Variants in DDX60L observed in about 807,000 individuals in gnomAD.
DDX60L encodes the protein probable ATP-dependent RNA helicase DDX60-like.
In DDX60L, 191 loss-of-function variants were observed where a neutral mutation model predicts 211.6. The observed-to-expected ratio is 0.90, with a 90% CI of 0.80 to 1.02. The LOEUF (loss-of-function observed/expected upper bound fraction) is 1.02. Ranked by LOEUF, DDX60L falls within the 50% of genes least tolerant of loss-of-function variation. The pLI is 0.00. For synonymous variants in DDX60L, 706 were observed against 694.1 expected, an observed-to-expected ratio of 1.02 and a Z score of -0.27; for missense variants, 2,007 against 1,984.1, an observed-to-expected ratio of 1.01 and a Z score of -0.22.
intron 29 of DDX60L, among the ~76,000 whole-genome samples, chr4:168,387,343 G>A (rs531786897): frequency 1.1e-4 from 17 of 152,294 alleles, no homozygotes; most frequent in African/African-American, 2.6e-4. Flanking sequence ...CTTCTGGTTC[G>A]GAGCTTGGAA....
chr4:168,374,877 TA>T (rs911755043), intron 34 of DDX60L, among the ~76,000 whole-genome samples: 3 of 152,110 alleles, frequency 2.0e-5, no homozygotes, highest in Non-Finnish European at 4.4e-5. Context: ...TTTTACAGAT[TA>T]AAAAAATGAG....
intron 1 of DDX60L, among the ~76,000 whole-genome samples, chr4:168,478,833 T>C (rs957908584): frequency 6.6e-6 from 1 of 152,180 alleles, no homozygotes; most frequent in African/African-American, 2.4e-5. Flanking sequence ...TGGTAACGCC[T>C]CAGGAGAACT....
intron 4 of DDX60L, chr4:168,470,657 T>C (rs1429523057): frequency 6.4e-6 from 1 of 155,340 alleles, no homozygotes; most frequent in African/African-American, 2.4e-5. Context: ...CTGACCAATA[T>C]GATGAAACCC....
intron 23 of DDX60L, 145 bp downstream of exon 23, chr4:168,406,457 A>G: frequency 3.2e-6 from 2 of 625,992 alleles, no homozygotes; most frequent in East Asian, 6.0e-5. Flanking sequence ...ATGGCTGAAA[A>G]TAAGAAAAAA....
At chr4:168,367,270 G>A (rs893428055) in intron 36 of DDX60L, among the ~76,000 whole-genome samples, 9 of 152,162 alleles carry the variant, frequency 5.9e-5, no homozygotes, top group Non-Finnish European at 8.8e-5. Flanking sequence ...GAACCCAGTG[G>A]GAGGTTATTG....
At chr4:168,452,336 C>T (rs952650514) in intron 8 of DDX60L, among the ~76,000 whole-genome samples, 2 of 152,182 alleles carry the variant, frequency 1.3e-5, no homozygotes, top group African/African-American at 4.8e-5. Context: ...AGGCCAGTAG[C>T]ATTTATGATA....
At chr4:168,449,815 A>G (rs79232914) in intron 8 of DDX60L, among the ~76,000 whole-genome samples, 11 of 38,798 alleles carry the variant, frequency 2.8e-4, no homozygotes. Context: ...TAAAAAAAAA[A>G]AAAAAAAAGA....
At position 168,394,576 on chromosome 4, in the gene DDX60L, G is replaced by C; in HGVS notation, c.3699C>G (p.His1233Gln). 1 of 1,613,082 alleles carries C rather than the reference G, an allele frequency of 6.2e-7. No homozygotes were observed. The highest frequency in any genetic ancestry group is 8.5e-7 in the Non-Finnish European group (1 of 1,179,440). The change falls in exon 28 of 38, where the codon CAC (histidine) becomes CAG (glutamine). Residue 1233 changes from histidine (H) to glutamine (Q), a missense_variant. Transcript: ENST00000682922. ...RVLPRVRFTR[H>Q]GKELKALAQR... Reference sequence around the variant, plus strand: ...GTGCTAAAGCCTTCAGTTCTTTGCCGTGTCTTGTAAATCGCACTCGCGGTA... The same window carrying C: ...GTGCTAAAGCCTTCAGTTCTTTGCCCTGTCTTGTAAATCGCACTCGCGGTA...
intron 5 of DDX60L, among the ~76,000 whole-genome samples, chr4:168,459,702 G>A (rs1005396517): frequency 6.7e-6 from 1 of 150,094 alleles, no homozygotes; most frequent in African/African-American, 2.4e-5. Context: ...GTTGCAGTGA[G>A]CCAAGATCAC....
At position 168,378,405 on chromosome 4, in the gene DDX60L, T is replaced by C; in HGVS notation, c.4434A>G (p.Lys1478=). ...CATTTTGGAATTTTGCTGGAATATATTTTCTTCCAAACAAATTTGCCAATA... is the reference window on the plus strand; with the variant it reads ...CATTTTGGAATTTTGCTGGAATATACTTTCTTCCAAACAAATTTGCCAATA... ...VLVLANLFGR[K]YIPAKFQNAN... is the part of the protein sequence containing the mutation. The change falls in exon 33 of 38, where the codon AAA becomes AAG. Residue 1478 remains lysine, a synonymous_variant. Transcript: ENST00000682922. 6.5e-7 allele frequency: 1 copy of C among 1,540,376 alleles called. No individual in the cohort carries two copies. The highest frequency in any genetic ancestry group is 8.8e-7 in the Non-Finnish European group (1 of 1,130,498).
chr4:168,429,965 A>C (rs1372020852), intron 13 of DDX60L, among the ~76,000 whole-genome samples: 2 of 152,192 alleles, frequency 1.3e-5, no homozygotes, highest in African/African-American at 2.4e-5. Context: ...TGGGAGGCCA[A>C]GGTGGGTGGA....
At chr4:168,449,652 C>CAAAAAAAAAAAAAAAAAAAAAAAAAA in intron 8 of DDX60L, among the ~76,000 whole-genome samples, 5 of 7,936 alleles carry the variant, frequency 6.3e-4, no homozygotes, top group African/African-American at 1.8e-3. Context: ...AAAAAAAATG[C>CAAAAAAAAAAAAAAAAAAAAAAAAAA]AAAAAAAAAA....
In DDX60L at chr4:168,415,764, G is replaced by A; in HGVS notation, c.2762C>T (p.Ala921Val). Reference protein sequence around the residue: ...LQSVKQYWKQADKIMEEKCIS... With the variant: ...LQSVKQYWKQVDKIMEEKCIS... ...ACATTTCTCTTCCATAATCTTGTCT[G>A]CCTGTTTCCAGTACTGTTTTACTGA... Residue 921 changes from alanine (A) to valine (V), a missense_variant, in exon 21 of 38, where the codon GCA (alanine) becomes GTA (valine). Transcript: ENST00000682922. The A allele has an allele frequency of 6.3e-7, 1 of 1,583,680 alleles. No individual in the cohort carries two copies. The highest frequency in any genetic ancestry group is 8.6e-7 in the Non-Finnish European group (1 of 1,163,728).
In DDX60L at chr4:168,357,308, T is replaced by G. The variant is rs1738341060; in HGVS notation, c.*839A>C. 6.6e-6 allele frequency: 1 copy of G among 152,200 alleles called. No homozygotes were observed. Among genetic ancestry groups the G allele is most frequent in the Non-Finnish European group, 1.5e-5 (1 of 68,026 alleles). The allele number at this position is 152,200 out of a possible 1,614,324, so 9.4% of individuals were successfully genotyped here. Reference sequence around the variant, plus strand: ...CAACAGGAAAGTGGTTTATAACTACTCCAAGTGACTGTTTTAGTCAATTCA... The same window carrying G: ...CAACAGGAAAGTGGTTTATAACTACGCCAAGTGACTGTTTTAGTCAATTCA... On this transcript the variant is annotated 3_prime_UTR_variant, in exon 38 of 38. Coordinates refer to ENST00000682922, the MANE Select transcript of DDX60L (RefSeq NM_001012967.3).
intron 29 of DDX60L, among the ~76,000 whole-genome samples, chr4:168,390,884 C>G (rs1744689613): frequency 6.6e-6 from 1 of 151,754 alleles, no homozygotes; most frequent in Admixed American, 6.6e-5. Flanking sequence ...ATATTTTTAT[C>G]CTTGATTTTT....
At chr4:168,435,133 A>T (rs1223066931) in intron 10 of DDX60L, among the ~76,000 whole-genome samples, 3 of 152,190 alleles carry the variant, frequency 2.0e-5, no homozygotes, top group Non-Finnish European at 4.4e-5. Context: ...GTGGAACGTC[A>T]GGTGACTGAT....
intron 36 of DDX60L, among the ~76,000 whole-genome samples, chr4:168,366,088 G>T (rs1340420280): frequency 6.6e-6 from 1 of 151,974 alleles, no homozygotes. Context: ...ATAAGACAAG[G>T]ATGCCGACTT....
intron 20 of DDX60L, among the ~76,000 whole-genome samples, chr4:168,416,020 T>A (rs1424252478): frequency 2.0e-5 from 3 of 152,192 alleles, no homozygotes; most frequent in Non-Finnish European, 4.4e-5. Context: ...AACGAAAGTA[T>A]CTTTCTCATA....
chr4:168,391,114 A>C (rs1744734076), intron 29 of DDX60L, among the ~76,000 whole-genome samples: 1 of 152,182 alleles, frequency 6.6e-6, no homozygotes, highest in South Asian at 2.1e-4. Flanking sequence ...CAGGATTCCC[A>C]AAAGACCCAG....
Sources: gnomAD v4.1 joint callset for allele counts (sites outside exome capture counted in the v4.1 genomes callset) on GRCh38, gnomAD v4.1.1 for gene constraint, MANE v1.5 for transcripts, NCBI Gene and HGNC (gene_info 2026-07-23, HGNC 2026-07-21) for gene names.